Variants in AP1S3 observed in about 807,000 individuals in gnomAD.
AP1S3 encodes the protein AP-1 complex subunit sigma-3.
Under a neutral mutation model 20.9 loss-of-function variants are expected in AP1S3, and 10 were observed. That is an observed-to-expected ratio of 0.48 (90% CI 0.29 to 0.81). The LOEUF (loss-of-function observed/expected upper bound fraction) is 0.81. Among genes scored for constraint, AP1S3 ranks in the 30% least tolerant of loss-of-function variants. AP1S3 has a pLI of 0.08. For missense variants in AP1S3, 154 were observed against 183.8 expected (o/e 0.84, Z 0.94); for synonymous variants, 41 against 61.5 (o/e 0.67, Z 1.56).
chr2:223,791,971 C>T (rs1004035728), intron 1 of AP1S3, among the ~76,000 whole-genome samples: 33 of 151,180 alleles, frequency 2.2e-4, no homozygotes, highest in African/African-American at 7.7e-4. Flanking sequence ...ATACAGCTAA[C>T]AAAAACCACT....
At position 223,772,606 on chromosome 2, in the gene AP1S3, A is replaced by G. The variant is rs546675597; in HGVS notation, c.291+3295T>C. Among the ~76,000 whole-genome samples the G allele has an allele frequency of 5.3e-5, 8 of 152,302 alleles. No individual in the cohort carries two copies. The East Asian group carries it at 1.5e-3, about 29-fold the overall frequency. ...GTTAATGCTACTTACTGAAGATCGG[A>G]AGATTAACTAGTTAATCCTCGTAAA... On this transcript the variant is annotated intron_variant, in intron 3 of 4. Coordinates refer to ENST00000396654, the MANE Select transcript of AP1S3 (RefSeq NM_001039569.2).
In AP1S3 at chr2:223,772,743, C is replaced by T. The variant is rs184897238; in HGVS notation, c.291+3158G>A. 8.5e-5 allele frequency among the ~76,000 whole-genome samples: 13 copies of T among 152,210 alleles called. No homozygotes were observed. The East Asian group carries it at 2.3e-3, about 27-fold the overall frequency. ...ATATTTTCCAGTGTTATAAGAGAAG[C>T]TCAGTACCAAGTTTTCCCCTAGATA... On this transcript the variant is annotated intron_variant, in intron 3 of 4. Transcript: ENST00000396654.
intron 3 of AP1S3, among the ~76,000 whole-genome samples, chr2:223,770,528 ACACC>A (rs1307652491): frequency 1.3e-4 from 20 of 149,690 alleles, no homozygotes; most frequent in Middle Eastern, 3.4e-3. Flanking sequence ...ACACACACAC[ACACC>A]CCTTGATATA....
intron 1 of AP1S3, among the ~76,000 whole-genome samples, chr2:223,788,788 G>A (rs840354): frequency 0.48 from 71,008 of 147,306 alleles, 17,758 homozygotes; most frequent in African/African-American, 0.61. Flanking sequence ...AAAAGAAGAA[G>A]AAGAAGAAGA....
At chr2:223,811,544 G>C (rs2106118812) in intron 1 of AP1S3, among the ~76,000 whole-genome samples, 1 of 151,184 alleles carries the variant, frequency 6.6e-6, no homozygotes, top group East Asian at 1.9e-4. Flanking sequence ...ACTCCAGCCT[G>C]GGTGACACAG....
intron 1 of AP1S3, among the ~76,000 whole-genome samples, chr2:223,785,235 G>A (rs540045098): frequency 6.6e-6 from 1 of 152,226 alleles, no homozygotes; most frequent in South Asian, 2.1e-4. Flanking sequence ...CCAGCCACTC[G>A]GGAGGCTGAG....
intron 4 of AP1S3, among the ~76,000 whole-genome samples, chr2:223,762,515 C>T (rs530423633): frequency 9.9e-5 from 15 of 152,092 alleles, no homozygotes; most frequent in East Asian, 5.8e-4. Flanking sequence ...TCAAGTGATC[C>T]GCCCACCTCG....
At chr2:223,832,604 G>A (rs1692298951) in intron 1 of AP1S3, among the ~76,000 whole-genome samples, 1 of 152,120 alleles carries the variant, frequency 6.6e-6, no homozygotes, top group Non-Finnish European at 1.5e-5. Flanking sequence ...TAGTGTAATA[G>A]ACCGCTTCAC....
At chr2:223,818,791 T>C (rs1691918137) in intron 1 of AP1S3, among the ~76,000 whole-genome samples, 1 of 152,044 alleles carries the variant, frequency 6.6e-6, no homozygotes, top group Admixed American at 6.6e-5. Context: ...TGACCTCAAG[T>C]GATCCGCCCA....
chr2:223,804,674 T>C (rs1286853225), intron 1 of AP1S3, among the ~76,000 whole-genome samples: 1 of 151,218 alleles, frequency 6.6e-6, no homozygotes, highest in Non-Finnish European at 1.5e-5. Context: ...CAGTGAGCCA[T>C]GTTCATGCCA....
chr2:223,758,051 A>C lies in AP1S3; in HGVS notation c.*664T>G, dbSNP rs1690264502. On this transcript the variant is annotated 3_prime_UTR_variant, in exon 5 of 5. Coordinates refer to ENST00000396654, the MANE Select transcript of AP1S3 (RefSeq NM_001039569.2). ...TGTCCCTTATATTCAATTAAAAGAT[A>C]AATTAAAACCTCAGTCAAGATAGCA... 1 of 980,956 alleles carries C rather than the reference A, an allele frequency of 1.0e-6. No homozygotes were observed. The highest frequency in any genetic ancestry group is 1.2e-6 in the Non-Finnish European group (1 of 825,890). The allele number at this position is 980,956 out of a possible 1,614,324, so 60.8% of individuals were successfully genotyped here. A position where few individuals can be genotyped will look rare whatever the true frequency, so the allele number is the denominator to read the frequency against.
intron 2 of AP1S3, 160 bp from the exon 3 acceptor site, chr2:223,776,169 A>G (rs1690780062): frequency 1.4e-6 from 1 of 707,122 alleles, no homozygotes; most frequent in Non-Finnish European, 2.6e-6. Context: ...CTGAAATATA[A>G]ATCAGAATAT....
intron 1 of AP1S3, among the ~76,000 whole-genome samples, chr2:223,822,829 T>C (rs746118131): frequency 1.3e-5 from 2 of 151,650 alleles, no homozygotes; most frequent in African/African-American, 2.4e-5. Context: ...ATATTTACAA[T>C]CCATAAATCC....
At chr2:223,817,620 A>AAAAAAAG (rs1456324372) in intron 1 of AP1S3, among the ~76,000 whole-genome samples, 1 of 141,866 alleles carries the variant, frequency 7.0e-6, no homozygotes, top group East Asian at 1.9e-4. Flanking sequence ...AAAAAAAAAA[A>AAAAAAAG]AAAAGAAAAG....
In AP1S3 at chr2:223,756,003, A is replaced by T. The variant is rs1690203541; in HGVS notation, c.*2712T>A. ...TTTCAAAAGAACCGGAAAAACTATG[A>T]TGGATTTACATGAGGTCCATCTTTA... On this transcript the variant is annotated 3_prime_UTR_variant, in exon 5 of 5. Coordinates refer to ENST00000396654, the MANE Select transcript of AP1S3 (RefSeq NM_001039569.2). The T allele has an allele frequency of 1.0e-6, 1 of 985,428 alleles. No homozygotes were observed. The highest frequency in any genetic ancestry group is 1.2e-6 in the Non-Finnish European group (1 of 829,938). 61.0% of individuals were successfully genotyped at this position (985,428 alleles called of 1,614,324 possible). A position where few individuals can be genotyped will look rare whatever the true frequency, so the allele number is the denominator to read the frequency against.
chr2:223,811,347 C>T (rs1691721531), intron 1 of AP1S3, among the ~76,000 whole-genome samples: 1 of 152,110 alleles, frequency 6.6e-6, no homozygotes, highest in Non-Finnish European at 1.5e-5. Flanking sequence ...GTGGGCAGAT[C>T]ACCTGAGTTC....
At chr2:223,813,782 G>A (rs1223838984) in intron 1 of AP1S3, among the ~76,000 whole-genome samples, 1 of 152,188 alleles carries the variant, frequency 6.6e-6, no homozygotes, top group East Asian at 1.9e-4. Context: ...GAGGTAAGAA[G>A]GGAGGGGCAG....
chr2:223,773,485 G>A (rs1690680911), intron 3 of AP1S3: 2 of 959,188 alleles, frequency 2.1e-6, no homozygotes, highest in Non-Finnish European at 2.8e-6. Context: ...AATAAACTTG[G>A]TATACCAAGA....
chr2:223,764,119 A>T (rs550604859), intron 4 of AP1S3, among the ~76,000 whole-genome samples: 66 of 152,226 alleles, frequency 4.3e-4, no homozygotes, highest in African/African-American at 1.6e-3. Context: ...GGGTTTCACC[A>T]CATTGGCCAG....
Sources: allele counts gnomAD v4.1 joint callset (sites outside exome capture counted in the v4.1 genomes callset), GRCh38; gene constraint gnomAD v4.1.1; transcripts MANE v1.5; gene names NCBI Gene and HGNC (gene_info 2026-07-23, HGNC 2026-07-21).